The following ARL6 variants were observed in gnomAD, a reference collection of about 807,000 sequenced individuals.
ARL6 encodes ADP-ribosylation factor-like protein 6.
A neutral mutation model predicts 27.1 loss-of-function variants in ARL6; 18 were observed. The observed-to-expected ratio is 0.66, with a 90% CI of 0.46 to 0.98. ARL6 has a LOEUF of 0.98. Ranked by LOEUF, ARL6 falls within the 50% of genes least tolerant of loss-of-function variation. The pLI is 0.00. For missense variants in ARL6, 187 were observed against 214.9 expected (o/e 0.87, Z 0.81); for synonymous variants, 65 against 72.3 (o/e 0.90, Z 0.51).
At chr3:97,778,098 A>G (rs565253757) in intron 2 of ARL6, among the ~76,000 whole-genome samples, 2 of 152,238 alleles carry the variant, frequency 1.3e-5, no homozygotes, top group Admixed American at 1.3e-4. Context: ...TCATAGTAGT[A>G]GCTGATGATT....
At chr3:97,788,219 C>T in intron 6 of ARL6, 100 bp downstream of exon 6, 2 of 1,234,130 alleles carry the variant, frequency 1.6e-6, no homozygotes, top group Non-Finnish European at 1.1e-6. Context: ...AGTGATCAAA[C>T]ATGGTGGCAT....
At chr3:97,767,904 A>C (rs2036459031) in intron 1 of ARL6, among the ~76,000 whole-genome samples, 177 bp from the exon 2 acceptor site, 1 of 152,252 alleles carries the variant, frequency 6.6e-6, no homozygotes, top group East Asian at 1.9e-4. Flanking sequence ...CGTGTCAGTT[A>C]AGGCTCCTTT....
At chr3:97,787,493 C>A (rs545372138) in intron 5 of ARL6, among the ~76,000 whole-genome samples, 2 of 152,094 alleles carry the variant, frequency 1.3e-5, no homozygotes, top group Non-Finnish European at 2.9e-5. Context: ...GAATTTTGAA[C>A]TATTTAAATG....
intron 6 of ARL6, among the ~76,000 whole-genome samples, chr3:97,790,812 ATTAAG>A (rs1380599162): frequency 3.3e-5 from 5 of 152,018 alleles, no homozygotes; most frequent in African/African-American, 7.2e-5. Flanking sequence ...TTGGATTATA[ATTAAG>A]TTAATTATTT....
intron 4 of ARL6, among the ~76,000 whole-genome samples, chr3:97,781,481 G>T (rs2108038411): frequency 6.6e-6 from 1 of 152,194 alleles, no homozygotes; most frequent in Non-Finnish European, 1.5e-5. Flanking sequence ...TCATATGTAG[G>T]CATTGTATTA....
At chr3:97,767,006 A>T (rs2036412219) in intron 1 of ARL6, among the ~76,000 whole-genome samples, 2 of 152,174 alleles carry the variant, frequency 1.3e-5, no homozygotes, top group Admixed American at 1.3e-4. Context: ...TGTAAATTTA[A>T]CAGTACCTTA....
chr3:97,797,986 A>T, intron 7 of ARL6, 38 bp from the exon 8 acceptor site: 1 of 1,599,936 alleles, frequency 6.3e-7, no homozygotes, highest in Non-Finnish European at 8.6e-7. Context: ...ATTTTGCCCT[A>T]TAGAGATTGA....
chr3:97,778,553 A>T (rs569193941), intron 2 of ARL6, among the ~76,000 whole-genome samples: 1 of 152,298 alleles, frequency 6.6e-6, no homozygotes, highest in Non-Finnish European at 1.5e-5. Flanking sequence ...TTATAAAAGC[A>T]ACAAGATGAA....
At chr3:97,768,694 A>T (rs2036501533) in intron 2 of ARL6, among the ~76,000 whole-genome samples, 1 of 151,922 alleles carries the variant, frequency 6.6e-6, no homozygotes, top group South Asian at 2.1e-4. Flanking sequence ...TTAACATGTG[A>T]TGTATAAGTT....
At chr3:97,788,175 G>A in intron 6 of ARL6, 56 bp downstream of exon 6, 4 of 1,564,464 alleles carry the variant, frequency 2.6e-6, no homozygotes, top group Non-Finnish European at 3.5e-6. Flanking sequence ...ACAAGCTTCA[G>A]AGTTGTTTCT....
At chr3:97,788,263 C>A in intron 6 of ARL6, 144 bp downstream of exon 6, 2 of 927,480 alleles carry the variant, frequency 2.2e-6, no homozygotes, top group Non-Finnish European at 1.6e-6. Context: ...AGAATTGTGG[C>A]ATTGTAGGTT....
chr3:97,779,053 T>G (rs924317069), intron 2 of ARL6, among the ~76,000 whole-genome samples: 8 of 152,214 alleles, frequency 5.3e-5, no homozygotes, highest in Admixed American at 2.0e-4. Flanking sequence ...AGTTAGATTG[T>G]TAGTATAATA....
intron 3 of ARL6, among the ~76,000 whole-genome samples, 187 bp downstream of exon 3, chr3:97,780,407 A>C (rs1220397086): frequency 6.6e-6 from 1 of 152,190 alleles, no homozygotes; most frequent in East Asian, 1.9e-4. Flanking sequence ...AACTCTGATA[A>C]CTTCACTAGC....
intron 7 of ARL6, among the ~76,000 whole-genome samples, chr3:97,795,736 G>A (rs145726734): frequency 2.6e-5 from 4 of 152,294 alleles, no homozygotes; most frequent in African/African-American, 7.2e-5. Flanking sequence ...GGGATGAAAA[G>A]AGAAGATATG....
intron 6 of ARL6, 76 bp from the exon 7 acceptor site, chr3:97,791,695 G>A (rs1559691090): frequency 5.8e-6 from 8 of 1,380,510 alleles, no homozygotes; most frequent in Non-Finnish European, 7.2e-6. Context: ...TCTCCATATG[G>A]CAAAATTGTA....
intron 2 of ARL6, among the ~76,000 whole-genome samples, chr3:97,778,403 G>A (rs2037012868): frequency 6.6e-6 from 1 of 152,136 alleles, no homozygotes; most frequent in African/African-American, 2.4e-5. Context: ...TTCTACTAGT[G>A]CATTACCATG....
At chr3:97,768,778 G>T (rs1422093108) in intron 2 of ARL6, among the ~76,000 whole-genome samples, 1 of 152,062 alleles carries the variant, frequency 6.6e-6, no homozygotes, top group Non-Finnish European at 1.5e-5. Context: ...CAATTCCTGA[G>T]CCTTTATGTT....
chr3:97,787,593 T>G (rs2037519588), intron 5 of ARL6, among the ~76,000 whole-genome samples: 1 of 152,202 alleles, frequency 6.6e-6, no homozygotes, highest in Non-Finnish European at 1.5e-5. Context: ...CTTATGATAT[T>G]GTGACAAAAA....
rs1440975284 is a variant in ARL6 at position 97,800,217 on chromosome 3, A to G, written c.*2168A>G. 1.3e-5 allele frequency: 2 copies of G among 152,122 alleles called. No homozygotes were observed. The highest frequency in any genetic ancestry group is 2.9e-5 in the Non-Finnish European group (2 of 68,016). 9.4% of individuals were successfully genotyped at this position (152,122 alleles called of 1,614,324 possible). ...TCCAAAATCTAGTTTTTAGTCTATA[A>G]ACATCCATCCCTACTCCACATTTTC... On this transcript the variant is annotated 3_prime_UTR_variant, in exon 8 of 8. Coordinates refer to ENST00000463745, the MANE Select transcript of ARL6 (RefSeq NM_001278293.3).
Sources: gnomAD v4.1 joint callset for allele counts (sites outside exome capture counted in the v4.1 genomes callset) on GRCh38, gnomAD v4.1.1 for gene constraint, MANE v1.5 for transcripts, NCBI Gene and HGNC (gene_info 2026-07-23, HGNC 2026-07-21) for gene names.